ANKRD6: variants seen among roughly 807,000 people sequenced by gnomAD.
ANKRD6 encodes ankyrin repeat domain-containing protein 6.
In ANKRD6, 56 loss-of-function variants were observed where a neutral mutation model predicts 82.3. That is an observed-to-expected ratio of 0.68 (90% CI 0.55 to 0.85). ANKRD6 has a LOEUF of 0.85. Ranked by LOEUF, ANKRD6 falls within the 40% of genes least tolerant of loss-of-function variation. The pLI is 0.00. For synonymous variants in ANKRD6, 347 were observed against 352.1 expected, an observed-to-expected ratio of 0.99 and a Z score of 0.16; for missense variants, 852 against 907.6, an observed-to-expected ratio of 0.94 and a Z score of 0.79.
intron 3 of ANKRD6, chr6:89,602,804 A>C (rs1375517868): frequency 1.9e-6 from 1 of 527,496 alleles, no homozygotes; most frequent in Admixed American, 3.1e-5. Flanking sequence ...TGTCGGCTTA[A>C]GGTCCCCCTC....
At chr6:89,447,854 AT>A (rs530068070) in intron 1 of ANKRD6, among the ~76,000 whole-genome samples, 7 of 118,986 alleles carry the variant, frequency 5.9e-5, no homozygotes, top group South Asian at 2.6e-4. Flanking sequence ...CGCCCAGCTA[AT>A]TTTTTTTTTT....
chr6:89,480,941 C>CAAAAAAAA (rs372393432), intron 1 of ANKRD6, among the ~76,000 whole-genome samples: 49,506 of 92,708 alleles, frequency 0.53, 14,805 homozygotes, highest in Admixed American at 0.56. Context: ...GACCCTGTCT[C>CAAAAAAAA]AAAAAAAAAA....
At chr6:89,487,701 C>T (rs758269355) in intron 1 of ANKRD6, among the ~76,000 whole-genome samples, 6 of 152,188 alleles carry the variant, frequency 3.9e-5, no homozygotes, top group Non-Finnish European at 5.9e-5. Context: ...GGCTCACCTA[C>T]GCTTGGTTTT....
chr6:89,449,029 CAAAAAAAAAA>C (rs368751340), intron 1 of ANKRD6, among the ~76,000 whole-genome samples: 1 of 52,424 alleles, frequency 1.9e-5, no homozygotes, highest in East Asian at 5.6e-4. Flanking sequence ...GACTCCGTCT[CAAAAAAAAAA>C]AAAAAAAAAA....
In ANKRD6 at chr6:89,630,418, T is replaced by G; in HGVS notation, c.1613-15T>G. 4.4e-6 allele frequency: 7 copies of G among 1,597,780 alleles called. No homozygotes were observed. The highest frequency in any genetic ancestry group is 6.0e-6 in the Non-Finnish European group (7 of 1,171,530). ...TGTGGATTTGCTCTCACGTTTGTTTTCCTTCTGAAACCAGGTGTGGACCAA... is the reference window on the plus strand; with the variant it reads ...TGTGGATTTGCTCTCACGTTTGTTTGCCTTCTGAAACCAGGTGTGGACCAA... On this transcript the variant is annotated splice_polypyrimidine_tract_variant and intron_variant, in intron 15 of 15. Coordinates refer to ENST00000339746, the MANE Select transcript of ANKRD6 (RefSeq NM_001242809.2).
chr6:89,438,903 A>G (rs1174454443), intron 1 of ANKRD6, among the ~76,000 whole-genome samples: 1 of 152,304 alleles, frequency 6.6e-6, no homozygotes, highest in East Asian at 1.9e-4. Context: ...TCGGCCTCCT[A>G]AAGTGCTGGG....
chr6:89,530,065 G>C (rs549354828), intron 1 of ANKRD6, among the ~76,000 whole-genome samples: 143 of 152,170 alleles, frequency 9.4e-4, no homozygotes, highest in African/African-American at 3.4e-3. Flanking sequence ...ACCAGCCTGG[G>C]CAATGTGGTG....
rs1770219693 is a variant in ANKRD6, at chr6:89,433,549, C to T, written c.-144+174C>T. 1.3e-5 allele frequency among the ~76,000 whole-genome samples: 2 copies of T among 152,214 alleles called. No individual in the cohort carries two copies. Among genetic ancestry groups the T allele is most frequent in the Admixed American group, 1.3e-4 (2 of 15,292 alleles). ...CGCCTCGCCCCCTGGCCTGCGGCCT[C>T]CGAAAACGCCCGGCGCGAGGGGGTC... On this transcript the variant is annotated intron_variant, in intron 1 of 15. Coordinates refer to ENST00000339746, the MANE Select transcript of ANKRD6 (RefSeq NM_001242809.2). The surrounding 1 kb of genome is among the most constrained non-coding windows in gnomAD (Gnocchi z 4.3).
chr6:89,464,371 C>T (rs1445173905), intron 1 of ANKRD6, among the ~76,000 whole-genome samples: 1 of 152,158 alleles, frequency 6.6e-6, no homozygotes, highest in Non-Finnish European at 1.5e-5. Context: ...ATTTTTCCCT[C>T]TAGGATACAG....
chr6:89,490,207 A>G (rs1777857961), intron 1 of ANKRD6, among the ~76,000 whole-genome samples: 2 of 152,220 alleles, frequency 1.3e-5, no homozygotes, highest in Admixed American at 1.3e-4. Context: ...TTAGTGCTGG[A>G]AAAGACCTTA....
Position 89,616,662 on chromosome 6 carries a change from G to A in ANKRD6, c.714+5G>A, listed in dbSNP as rs1256973512. The A allele has an allele frequency of 6.2e-7, 1 of 1,613,762 alleles. No individual in the cohort carries two copies. On this transcript the variant is annotated splice_donor_5th_base_variant and intron_variant, in intron 8 of 15. Transcript: ENST00000339746. ...GATACGACCATTGTTAACAATGTAA[G>A]TTGAGTTGCAACATTGCTTTCTAAA...
intron 1 of ANKRD6, among the ~76,000 whole-genome samples, chr6:89,455,302 C>T (rs1167832135): frequency 1.3e-5 from 2 of 152,052 alleles, no homozygotes; most frequent in Non-Finnish European, 2.9e-5. Context: ...ATGGTGCTGG[C>T]ATCTGCTTGG....
chr6:89,439,303 C>G (rs778477340), intron 1 of ANKRD6, among the ~76,000 whole-genome samples: 3 of 152,050 alleles, frequency 2.0e-5, no homozygotes, highest in African/African-American at 7.2e-5. Flanking sequence ...CTACTTTAGG[C>G]TGCTGGCAAT....
At chr6:89,576,813 G>T (rs1452330284) in intron 2 of ANKRD6, among the ~76,000 whole-genome samples, 1 of 152,092 alleles carries the variant, frequency 6.6e-6, no homozygotes, top group African/African-American at 2.4e-5. Context: ...GCGCTCATCT[G>T]CTCTCCCTCT....
intron 1 of ANKRD6, among the ~76,000 whole-genome samples, chr6:89,522,564 G>T (rs118113495): frequency 0.023 from 3,455 of 152,200 alleles, 63 homozygotes; most frequent in Non-Finnish European, 0.032. Flanking sequence ...TCTAAATTGG[G>T]AATTATGTGC....
intron 1 of ANKRD6, among the ~76,000 whole-genome samples, chr6:89,500,362 C>G (rs1439463064): frequency 6.6e-6 from 1 of 152,146 alleles, no homozygotes; most frequent in East Asian, 1.9e-4. Context: ...AAATACTACC[C>G]TGAAGTTCCT....
chr6:89,628,957 G>A (rs1806640428), intron 14 of ANKRD6, 155 bp from the exon 15 acceptor site: 3 of 759,428 alleles, frequency 4.0e-6, no homozygotes, highest in Admixed American at 5.8e-5. Context: ...CCAAACCATA[G>A]CAGTGGGCAA....
At chr6:89,590,554 G>T (rs1794677903) in intron 2 of ANKRD6, among the ~76,000 whole-genome samples, 1 of 152,156 alleles carries the variant, frequency 6.6e-6, no homozygotes, top group Non-Finnish European at 1.5e-5. Context: ...AAAAAAATCA[G>T]GTTATTTTTA....
chr6:89,624,214 A>T (rs532596792), intron 12 of ANKRD6, among the ~76,000 whole-genome samples, 157 bp downstream of exon 12: 2 of 152,346 alleles, frequency 1.3e-5, no homozygotes, highest in South Asian at 4.1e-4. Context: ...TGCACGGTGC[A>T]GATCCACTCC....
Sources: allele counts gnomAD v4.1 joint callset (sites outside exome capture counted in the v4.1 genomes callset), GRCh38; gene constraint gnomAD v4.1.1; non-coding constraint Gnocchi (gnomAD v3.1); transcripts MANE v1.5; gene names NCBI Gene and HGNC (gene_info 2026-07-23, HGNC 2026-07-21).